Variants in NPAS2 observed in about 807,000 individuals in gnomAD.
The protein encoded by NPAS2 is neuronal PAS domain-containing protein 2.
A neutral mutation model predicts 107.5 loss-of-function variants in NPAS2; 23 were observed. That is an observed-to-expected ratio of 0.21 (90% confidence interval 0.15 to 0.30). The LOEUF (loss-of-function observed/expected upper bound fraction) is 0.30, where lower values mean the gene tolerates loss of function less well. Ranked by LOEUF, NPAS2 falls within the 10% of genes least tolerant of loss-of-function variation. The pLI is 1.00. For missense variants in NPAS2, 756 were observed against 1,043.3 expected, an observed-to-expected ratio of 0.72 and a Z score of 3.79; for synonymous variants, 403 against 417.5, an observed-to-expected ratio of 0.97 and a Z score of 0.42.
rs867095274 is a variant in NPAS2, at chr2:100,964,962, A to G, written c.800+19A>G. 2.0e-6 allele frequency: 3 copies of G among 1,526,690 alleles called. No individual in the cohort carries two copies. In the African/African-American group the frequency reaches 4.3e-5, roughly 22 times the overall value. The allele number at this position is 1,526,690 out of a possible 1,614,324, so 94.6% of individuals were successfully genotyped here. A position where few individuals can be genotyped will look rare whatever the true frequency, so the allele number is the denominator to read the frequency against. On this transcript the variant is annotated intron_variant, in intron 9 of 20. Transcript: ENST00000335681. ...ATCACAGGTTTGAGAAAAGAAAAAC[A>G]TATTTGGGTTGGGCCCTTCTCAAGT...
chr2:100,882,608 G>A (rs141983488), intron 1 of NPAS2, among the ~76,000 whole-genome samples: 18 of 150,518 alleles, frequency 1.2e-4, no homozygotes, highest in Admixed American at 3.3e-4. Flanking sequence ...GCGAGACTCC[G>A]TCTCAAAACA....
chr2:100,899,867 A>G (rs141503453), intron 1 of NPAS2, among the ~76,000 whole-genome samples: 2 of 152,252 alleles, frequency 1.3e-5, no homozygotes, highest in Non-Finnish European at 1.5e-5. Context: ...TAAACAAACT[A>G]TTCTGGAGGG....
At chr2:100,821,900 A>G (rs745964489) in intron 1 of NPAS2, among the ~76,000 whole-genome samples, 2 of 152,260 alleles carry the variant, frequency 1.3e-5, no homozygotes, top group Non-Finnish European at 2.9e-5. Flanking sequence ...TTACAGCGCT[A>G]AACCAGGACC....
chr2:100,983,518 C>G (rs1677594750), intron 16 of NPAS2: 1 of 152,486 alleles, frequency 6.6e-6, no homozygotes, highest in Non-Finnish European at 1.5e-5. Flanking sequence ...ACAGGCCTCT[C>G]AGAGGTGGCT....
chr2:100,884,103 C>T (rs1371970853), intron 1 of NPAS2, among the ~76,000 whole-genome samples: 7 of 152,276 alleles, frequency 4.6e-5, no homozygotes, highest in Middle Eastern at 3.4e-3. Flanking sequence ...ACCCTGATTC[C>T]GGATTATGGG....
At position 100,983,615 on chromosome 2, in the gene NPAS2, G is replaced by A. The variant is rs150050853; in HGVS notation, c.1629+1238G>A. The A allele has an allele frequency of 4.2e-3, 647 of 152,628 alleles. 3 individuals are homozygous for A. The highest frequency in any genetic ancestry group is 0.019 in the South Asian group (94 of 4,830). The allele number at this position is 152,628 out of a possible 1,614,324, so 9.5% of individuals were successfully genotyped here. A position where few individuals can be genotyped will look rare whatever the true frequency, so the allele number is the denominator to read the frequency against. On this transcript the variant is annotated intron_variant, in intron 16 of 20. Coordinates refer to ENST00000335681, the MANE Select transcript of NPAS2 (RefSeq NM_002518.4). ...GACACGGCGTGTGCGCCTTGAGCAG[G>A]CTTCACTCAGACAGCCTGGGCCATG... is the stretch of plus-strand genomic sequence containing the variant.
rs1164331721 is a variant in NPAS2, at chr2:100,990,363, G to A, written c.1935G>A (p.Leu645=). ...CCACAGCTGCGCTCCCGCCAAGTCT[G>A]AATCTGACCACACCTGCTTCCACCT... ...SSATAALPPS[L]NLTTPASTSQ... is the part of the protein sequence containing the mutation. Residue 645 remains leucine, a synonymous_variant, in exon 18 of 21, where the codon CTG becomes CTA. Coordinates refer to ENST00000335681, the MANE Select transcript of NPAS2 (RefSeq NM_002518.4). The A allele has an allele frequency of 6.2e-7, 1 of 1,614,210 alleles. No homozygotes were observed. Among genetic ancestry groups the A allele is most frequent in the Admixed American group, 1.7e-5 (1 of 60,018 alleles).
intron 16 of NPAS2, chr2:100,987,245 G>A (rs1318676697): frequency 6.6e-6 from 1 of 152,212 alleles, no homozygotes; most frequent in East Asian, 1.9e-4. Context: ...GTAAACAACT[G>A]TTTTAAATCA....
intron 1 of NPAS2, among the ~76,000 whole-genome samples, chr2:100,900,228 T>G (rs988329401): frequency 6.6e-5 from 10 of 152,202 alleles, no homozygotes; most frequent in African/African-American, 2.4e-4. Context: ...CTGGTAGAGA[T>G]AAACTTCTAT....
rs1468738301 is a variant in NPAS2 at position 100,965,978 on chromosome 2, C to T, written c.907+212C>T. On this transcript the variant is annotated intron_variant, in intron 10 of 20. Transcript: ENST00000335681. This position sits in a 1 kb window ranked among gnomAD's most constrained non-coding sequence, Gnocchi z 4.3. ...TCACTGGAATTCACTTGGCCCCAAA[C>T]CCTAGCACCTTCCCACTGTCATCCA... Among the ~76,000 whole-genome samples the T allele has an allele frequency of 6.6e-6, 1 of 152,186 alleles. No individual in the cohort carries two copies. Among genetic ancestry groups the T allele is most frequent in the Non-Finnish European group, 1.5e-5 (1 of 68,030 alleles).
chr2:100,993,846 G>GA, intron 20 of NPAS2: 1 of 288,130 alleles, frequency 3.5e-6, no homozygotes, highest in Non-Finnish European at 6.4e-6. Context: ...AGCAAAAGTC[G>GA]AAAAACATTG....
At chr2:100,928,175 A>T (rs1040903797) in intron 3 of NPAS2, among the ~76,000 whole-genome samples, 1 of 152,146 alleles carries the variant, frequency 6.6e-6, no homozygotes, top group Non-Finnish European at 1.5e-5. Context: ...AAAGCTGCCC[A>T]GGAGAGAGTA....
At chr2:100,934,626 C>G (rs1441646097) in intron 4 of NPAS2, among the ~76,000 whole-genome samples, 6 of 152,228 alleles carry the variant, frequency 3.9e-5, no homozygotes, top group Non-Finnish European at 8.8e-5. Flanking sequence ...AGTCCACCAA[C>G]TAGTACTGTT....
chr2:100,864,113 G>A (rs1316364002), intron 1 of NPAS2, among the ~76,000 whole-genome samples: 4 of 152,190 alleles, frequency 2.6e-5, no homozygotes, highest in Non-Finnish European at 5.9e-5. Flanking sequence ...GAATTTGGTT[G>A]ACTTACATGA....
chr2:100,910,348 G>C (rs1479731021), intron 2 of NPAS2, among the ~76,000 whole-genome samples: 5 of 152,058 alleles, frequency 3.3e-5, no homozygotes, highest in African/African-American at 1.2e-4. Flanking sequence ...CTGTGGTTAA[G>C]AGTAAAGCTG....
chr2:100,977,881 G>A, intron 15 of NPAS2, 82 bp downstream of exon 15: 1 of 1,214,762 alleles, frequency 8.2e-7, no homozygotes, highest in Non-Finnish European at 1.2e-6. Context: ...TGTACACTTA[G>A]GTCCCAACCA....
rs1676152401 is a variant in NPAS2 at position 100,965,325 on chromosome 2, T to G, written c.801-335T>G. 6.6e-6 allele frequency among the ~76,000 whole-genome samples: 1 copy of G among 152,210 alleles called. No homozygotes were observed. On this transcript the variant is annotated intron_variant, in intron 9 of 20. Coordinates refer to ENST00000335681, the MANE Select transcript of NPAS2 (RefSeq NM_002518.4). The surrounding 1 kb of genome is among the most constrained non-coding windows in gnomAD (Gnocchi z 4.3). ...GTAACATTATTTGCAGTTGAAGAAC[T>G]CCAAATCTCCCCTCCCCACCCTTTA...
intron 1 of NPAS2, among the ~76,000 whole-genome samples, chr2:100,904,216 C>T (rs146191317): frequency 1.2e-3 from 190 of 152,178 alleles, no homozygotes; most frequent in African/African-American, 4.4e-3. Context: ...GAACAAGGCC[C>T]GCTGTGGTGT....
intron 1 of NPAS2, among the ~76,000 whole-genome samples, chr2:100,893,722 A>G (rs1309335644): frequency 6.6e-6 from 1 of 152,238 alleles, no homozygotes; most frequent in African/African-American, 2.4e-5. Flanking sequence ...TCTGGGGACC[A>G]AATCTGGCCC....
Sources: allele counts gnomAD v4.1 joint callset (sites outside exome capture counted in the v4.1 genomes callset), GRCh38; gene constraint gnomAD v4.1.1; non-coding constraint Gnocchi (gnomAD v3.1); transcripts MANE v1.5; gene names NCBI Gene and HGNC (gene_info 2026-07-23, HGNC 2026-07-21).